SIRT4: variants seen among roughly 807,000 people sequenced by gnomAD.
SIRT4 encodes the protein sirtuin 4.
In SIRT4, 23 loss-of-function variants were observed where a neutral mutation model predicts 26.1. The observed-to-expected ratio is 0.88, with a 90% CI of 0.63 to 1.25. The LOEUF is 1.25. Among genes scored for constraint, SIRT4 ranks in the 50% most tolerant of loss-of-function variants. The pLI, the probability that SIRT4 is intolerant of heterozygous loss-of-function variation, is 0.00. For synonymous variants in SIRT4, 155 were observed against 158.4 expected, an observed-to-expected ratio of 0.98 and a Z score of 0.16; for missense variants, 361 against 405.4, an observed-to-expected ratio of 0.89 and a Z score of 0.94.
chr12:120,303,448 C>A (rs1872616010), intron 1 of SIRT4, 113 bp from the exon 2 acceptor site: 2 of 1,255,736 alleles, frequency 1.6e-6, no homozygotes, highest in Admixed American at 2.5e-5. Flanking sequence ...GTACTCTAGC[C>A]TGGGCAACAG....
At position 120,313,200 on chromosome 12, in the gene SIRT4, AATTAAAACTC is replaced by A; in HGVS notation, c.*168_*177del. ...GGTATCTTAATGTGTGGATATTCTT[AATTAAAACTC>A]ATTTTTTTTAAATAAAAAATTGTTC... On this transcript the variant is annotated 3_prime_UTR_variant, in exon 4 of 4. Transcript: ENST00000202967. 1.4e-6 allele frequency: 1 copy of A among 703,558 alleles called. No homozygotes were observed. The highest frequency in any genetic ancestry group is 2.3e-6 in the Non-Finnish European group (1 of 431,040). The allele number at this position is 703,558 out of a possible 1,614,324, so 43.6% of individuals were successfully genotyped here.
the SIRT4 span, among the ~76,000 whole-genome samples, chr12:120,295,217 C>CTT: frequency 0.014 from 1,852 of 134,726 alleles, 53 homozygotes; most frequent in African/African-American, 0.044. Context: ...TTCTGTTTTC[C>CTT]TTTTTTTTTT....
rs35164217 is a variant in SIRT4, at chr12:120,313,030, A to G, written c.939A>G (p.Pro313=). The G allele has an allele frequency of 1.1e-4, 177 of 1,614,122 alleles. No individual in the cohort carries two copies. In the African/African-American group the frequency reaches 1.6e-3, roughly 14 times the overall value. Residue 313 remains proline (P), a synonymous_variant, in exon 4 of 4, where the codon CCA becomes CCG. Transcript: ENST00000202967. ...GAGAGTTGCTGCCTTTGATAGACCC[A>G]TGCTGACCACAGCCTGATATTCCAG... ...RCGELLPLID[P]C
intron 2 of SIRT4, among the ~76,000 whole-genome samples, chr12:120,310,444 T>C (rs1172618847): frequency 6.6e-6 from 1 of 152,136 alleles, no homozygotes; most frequent in African/African-American, 2.4e-5. Context: ...CTGGAACTCC[T>C]GAGCTCAAGC....
In SIRT4 at chr12:120,312,515, A is replaced by G. The variant is rs866802909; in HGVS notation, c.557A>G (p.Gln186Arg). 2 of 1,613,988 alleles carry G rather than the reference A, an allele frequency of 1.2e-6. No individual in the cohort carries two copies. The highest frequency in any genetic ancestry group is 2.7e-5 in the African/African-American group (2 of 74,906). The change falls in exon 3 of 4, where the codon CAA becomes CGA. Residue 186 changes from glutamine (Q) to arginine (R), a missense_variant. Transcript: ENST00000202967. ...TPRGVLQERF[Q>R]VLNPTWSAEA... ...CGGGGGGTGCTGCAAGAGCGTTTCCAAGTCCTGAACCCCACCTGGAGTGCT... is the reference window on the plus strand; with the variant it reads ...CGGGGGGTGCTGCAAGAGCGTTTCCGAGTCCTGAACCCCACCTGGAGTGCT...
the SIRT4 span, among the ~76,000 whole-genome samples, chr12:120,295,417 T>TA: frequency 0.28 from 19,440 of 69,654 alleles, 2,492 homozygotes; most frequent in South Asian, 0.31. Context: ...TATATATAGA[T>TA]AATTTTTTTT....
chr12:120,299,392 A>G (rs1872463729), upstream of SIRT4, among the ~76,000 whole-genome samples: 1 of 147,972 alleles, frequency 6.8e-6, no homozygotes, highest in Admixed American at 6.7e-5. Flanking sequence ...TCTCTACTAA[A>G]AATACAAAAA....
At chr12:120,297,238 ATAC>A in the SIRT4 span, among the ~76,000 whole-genome samples, 10 of 137,210 alleles carry the variant, frequency 7.3e-5, no homozygotes, top group African/African-American at 2.4e-4. Flanking sequence ...AAATAAATAC[ATAC>A]ATACATACAT....
At chr12:120,295,989 A>G in the SIRT4 span, among the ~76,000 whole-genome samples, 1 of 137,708 alleles carries the variant, frequency 7.3e-6, no homozygotes, top group Non-Finnish European at 1.5e-5. Flanking sequence ...AGGGGGGCTG[A>G]GGCAGGAGGA....
chr12:120,307,526 T>G (rs1329342947), intron 2 of SIRT4, among the ~76,000 whole-genome samples: 1 of 151,794 alleles, frequency 6.6e-6, no homozygotes, highest in Non-Finnish European at 1.5e-5. Context: ...CATGGCCCAC[T>G]TTATATGCAA....
chr12:120,312,356 C>A, intron 2 of SIRT4, 100 bp from the exon 3 acceptor site: 2 of 1,091,054 alleles, frequency 1.8e-6, no homozygotes, highest in Non-Finnish European at 2.7e-6. Flanking sequence ...GGAAAGAAAG[C>A]AGCGATGGAA....
rs1181613032 is a variant in SIRT4 at position 120,303,488 on chromosome 12, AAAAC to A, written c.-1-61_-1-58del. 2.6e-4 allele frequency: 386 copies of A among 1,504,734 alleles called. 7 individuals are homozygous for A. The highest frequency in any genetic ancestry group is 1.1e-3 in the South Asian group (83 of 73,204). 93.2% of individuals were successfully genotyped at this position (1,504,734 alleles called of 1,614,324 possible). A position where few individuals can be genotyped will look rare whatever the true frequency, so the allele number is the denominator to read the frequency against. ...AGACTCTGTCTCAAAAAACAAAACG[AAAAC>A]AAACAAACAAAAAATGAGAAAAAAA... On this transcript the variant is annotated intron_variant, in intron 1 of 3. Coordinates refer to ENST00000202967, the MANE Select transcript of SIRT4 (RefSeq NM_012240.3).
chr12:120,293,358 A>G, the SIRT4 span: 3 of 152,170 alleles, frequency 2.0e-5, no homozygotes, highest in South Asian at 4.1e-4. Context: ...ACAATCATAG[A>G]AAGATGTTTG....
At chr12:120,303,520 A>AC (rs1461931251) in intron 1 of SIRT4, 41 bp from the exon 2 acceptor site, 1 of 1,541,334 alleles carries the variant, frequency 6.5e-7, no homozygotes, top group African/African-American at 1.4e-5. Context: ...GAAAAAAAAA[A>AC]AACCACCCCA....
chr12:120,302,590 G>C (rs987441773), intron 1 of SIRT4, among the ~76,000 whole-genome samples: 1 of 152,122 alleles, frequency 6.6e-6, no homozygotes, highest in Admixed American at 6.6e-5. Context: ...GGAATGTCAA[G>C]GAGAAAGCGG....
intron 1 of SIRT4, among the ~76,000 whole-genome samples, chr12:120,302,997 T>G (rs967705634): frequency 1.3e-4 from 19 of 151,710 alleles, no homozygotes; most frequent in Non-Finnish European, 2.4e-4. Context: ...TGCTGGGATT[T>G]CAGACGTGAG....
At position 120,312,331 on chromosome 12, in the gene SIRT4, G is replaced by T. The variant is rs1035456569; in HGVS notation, c.498-125G>T. ...TAGAAAGTATGGCTAAAATGGGGTG[G>T]GGATTGTGTGTTAGGGAAAGAAAGC... On this transcript the variant is annotated intron_variant, in intron 2 of 3. Coordinates refer to ENST00000202967, the MANE Select transcript of SIRT4 (RefSeq NM_012240.3). 3 of 868,234 alleles carry T rather than the reference G, an allele frequency of 3.5e-6. No individual in the cohort carries two copies. The African/African-American group carries it at 5.1e-5, about 15-fold the overall frequency. 53.8% of individuals were successfully genotyped at this position (868,234 alleles called of 1,614,324 possible). A position where few individuals can be genotyped will look rare whatever the true frequency, so the allele number is the denominator to read the frequency against.
chr12:120,291,976 G>C, the SIRT4 span: 21 of 152,242 alleles, frequency 1.4e-4, no homozygotes, highest in Admixed American at 7.9e-4. Flanking sequence ...GTGCCTGCCC[G>C]TGTGTCCGTG....
the SIRT4 span, chr12:120,293,241 T>G: frequency 2.0e-5 from 3 of 152,186 alleles, no homozygotes; most frequent in Middle Eastern, 3.2e-3. Flanking sequence ...CAAAGCTAAT[T>G]TGTTACGCCC....
Sources: gnomAD v4.1 joint callset for allele counts (sites outside exome capture counted in the v4.1 genomes callset) on GRCh38, gnomAD v4.1.1 for gene constraint, MANE v1.5 for transcripts, NCBI Gene and HGNC (gene_info 2026-07-23, HGNC 2026-07-21) for gene names.